The following SEC61G variants were observed in gnomAD, a reference collection of about 807,000 sequenced individuals.
SEC61G encodes the protein protein transport protein Sec61 subunit gamma.
A neutral mutation model predicts 7.5 loss-of-function variants in SEC61G; 4 were observed. That is an observed-to-expected ratio of 0.54 (90% confidence interval 0.26 to 1.22). The LOEUF (loss-of-function observed/expected upper bound fraction) is 1.22. SEC61G is among the 50% of genes most tolerant of loss of function. The pLI is 0.12. For missense variants in SEC61G, 53 were observed against 84.6 expected (o/e 0.63, Z 1.46); for synonymous variants, 24 against 24.4 (o/e 0.98, Z 0.05).
At chr7:54,757,201 G>A (rs1791536949) in intron 2 of SEC61G, among the ~76,000 whole-genome samples, 1 of 151,868 alleles carries the variant, frequency 6.6e-6, no homozygotes, top group South Asian at 2.1e-4. Context: ...AGACTTCAAA[G>A]CTTTTCCAAA....
chr7:54,755,834 C>A lies in SEC61G; in HGVS notation c.142G>T (p.Gly48Ter). 3 of 1,590,400 alleles carry A rather than the reference C, an allele frequency of 1.9e-6. No individual in the cohort carries two copies. The highest frequency in any genetic ancestry group is 1.7e-6 in the Non-Finnish European group (2 of 1,166,858). The change falls in exon 3 of 4, where the codon GGA becomes TGA. Residue 48 changes from glycine (G) to a stop codon, truncating the protein, a stop_gained. Coordinates refer to ENST00000352861, the MANE Select transcript of SEC61G (RefSeq NM_014302.4). LOFTEE classifies it high-confidence loss of function. Reference protein sequence around the residue: ...MATAIGFAIMGFIGFFVKLIH... With the variant: ...MATAIGFAIM ...AATTTCACAAAGAAGCCAATGAATC[C>A]CATTATAGCAAATCCTATTGCTGTT... is the stretch of plus-strand genomic sequence containing the variant.
intron 2 of SEC61G, among the ~76,000 whole-genome samples, chr7:54,757,007 CTAT>C (rs1791533864): frequency 6.8e-6 from 1 of 147,060 alleles, no homozygotes; most frequent in South Asian, 2.1e-4. Flanking sequence ...ATACTATATA[CTAT>C]ATTATATACA....
chr7:54,756,607 C>T (rs1023399740), intron 2 of SEC61G, among the ~76,000 whole-genome samples: 1 of 152,106 alleles, frequency 6.6e-6, no homozygotes, highest in Non-Finnish European at 1.5e-5. Flanking sequence ...GAGCCGAGAT[C>T]GCGTCACTGC....
chr7:54,753,756 T>C (rs1006969910), intron 3 of SEC61G, among the ~76,000 whole-genome samples: 1 of 152,240 alleles, frequency 6.6e-6, no homozygotes, highest in Non-Finnish European at 1.5e-5. Context: ...AAAAGTTTTC[T>C]AAGTAACTAG....
intron 3 of SEC61G, 78 bp from the exon 4 acceptor site, chr7:54,752,498 C>T (rs1202619202): frequency 3.3e-6 from 3 of 915,560 alleles, no homozygotes; most frequent in Non-Finnish European, 3.3e-6. Context: ...ATGCAATATG[C>T]TATAACTTTA....
chr7:54,756,317 G>T (rs974848896), intron 2 of SEC61G, among the ~76,000 whole-genome samples: 2 of 152,152 alleles, frequency 1.3e-5, no homozygotes, highest in Admixed American at 6.5e-5. Context: ...TAAACGATGG[G>T]TCCGGTGCCT....
intron 3 of SEC61G, 149 bp from the exon 4 acceptor site, chr7:54,752,569 T>C (rs1791436028): frequency 6.0e-6 from 3 of 503,458 alleles, no homozygotes; most frequent in African/African-American, 2.0e-5. Context: ...CATAAAAGAA[T>C]GGCACAATGA....
chr7:54,755,967 T>C, intron 2 of SEC61G, 86 bp from the exon 3 acceptor site: 1 of 627,336 alleles, frequency 1.6e-6, no homozygotes, highest in East Asian at 2.8e-5. Flanking sequence ...TAAATGAACT[T>C]AACTAGTATA....
intron 1 of SEC61G, among the ~76,000 whole-genome samples, 165 bp from the exon 2 acceptor site, chr7:54,757,759 A>G (rs1317454961): frequency 1.3e-5 from 2 of 152,224 alleles, no homozygotes; most frequent in African/African-American, 4.8e-5. Context: ...GCCTAAATTG[A>G]TATTATTTTT....
chr7:54,753,503 C>T (rs1229057375), intron 3 of SEC61G, among the ~76,000 whole-genome samples: 2 of 151,916 alleles, frequency 1.3e-5, no homozygotes. Context: ...ATAATTCAAC[C>T]CAATGAGTTA....
chr7:54,757,178 G>A (rs1791536529), intron 2 of SEC61G, among the ~76,000 whole-genome samples: 1 of 151,866 alleles, frequency 6.6e-6, no homozygotes, highest in East Asian at 1.9e-4. Context: ...GTTGGGGTGG[G>A]AGCTGAGTAG....
At position 54,757,480 on chromosome 7, in the gene SEC61G, T is replaced by G; in HGVS notation, c.94+15A>C. On this transcript the variant is annotated intron_variant, in intron 2 of 3. Transcript: ENST00000352861. ...TGCAAAGATTTAATTTTTTCTCTCA[T>G]AGTCAAGCAATTACCTTTTCTATCA... 1 of 1,602,776 alleles carries G rather than the reference T, an allele frequency of 6.2e-7. No homozygotes were observed. Among genetic ancestry groups the G allele is most frequent in the South Asian group, 1.1e-5 (1 of 90,690 alleles).
chr7:54,756,452 T>A (rs1034127372), intron 2 of SEC61G, among the ~76,000 whole-genome samples: 1 of 152,080 alleles, frequency 6.6e-6, no homozygotes, highest in African/African-American at 2.4e-5. Context: ...GGTCAGGAGT[T>A]TAAGACCAGC....
intron 1 of SEC61G, 138 bp downstream of exon 1, chr7:54,759,020 A>C (rs1378041509): frequency 2.7e-6 from 1 of 366,850 alleles, no homozygotes; most frequent in East Asian, 8.1e-5. Context: ...CCCGGCCCTG[A>C]GCCAGGGGAC....
At chr7:54,756,108 T>A (rs1362439029) in intron 2 of SEC61G, among the ~76,000 whole-genome samples, 2 of 152,228 alleles carry the variant, frequency 1.3e-5, no homozygotes, top group Non-Finnish European at 2.9e-5. Context: ...ATAATGCATA[T>A]CTGTCCTAGT....
intron 3 of SEC61G, among the ~76,000 whole-genome samples, chr7:54,752,784 C>A (rs1420357686): frequency 6.6e-6 from 1 of 152,136 alleles, no homozygotes; most frequent in Non-Finnish European, 1.5e-5. Context: ...GTAGAACACA[C>A]CAGCAGAAAA....
chr7:54,758,675 A>T, intron 1 of SEC61G, among the ~76,000 whole-genome samples: 1 of 152,188 alleles, frequency 6.6e-6, no homozygotes, highest in East Asian at 1.9e-4. Flanking sequence ...CGCTACACAC[A>T]ATACCGCACT....
chr7:54,756,764 T>C (rs1410131534), intron 2 of SEC61G, among the ~76,000 whole-genome samples: 6 of 152,102 alleles, frequency 3.9e-5, no homozygotes, highest in African/African-American at 9.7e-5. Flanking sequence ...TATTATGTGC[T>C]GTCAAACTTC....
chr7:54,755,749 A>C (rs777730374), intron 3 of SEC61G, 30 bp downstream of exon 3: 1 of 1,263,882 alleles, frequency 7.9e-7, no homozygotes, highest in South Asian at 1.4e-5. Context: ...GTTTCATTCA[A>C]TCCTAGTCTA....
Sources: allele counts gnomAD v4.1 joint callset (sites outside exome capture counted in the v4.1 genomes callset), GRCh38; gene constraint gnomAD v4.1.1; transcripts MANE v1.5; gene names NCBI Gene and HGNC (gene_info 2026-07-23, HGNC 2026-07-21).